VPS13B: variants seen among roughly 807,000 people sequenced by gnomAD.
VPS13B encodes vacuolar protein sorting 13 homolog B, also known as intermembrane lipid transfer protein VPS13B.
In VPS13B, 285 loss-of-function variants were observed where a neutral mutation model predicts 426.4. The ratio of observed to expected loss-of-function variants is 0.67; its 90% CI spans 0.61 to 0.74. The LOEUF is 0.74. Ranked by LOEUF, VPS13B falls within the 30% of genes least tolerant of loss-of-function variation. The pLI, the probability that VPS13B is intolerant of heterozygous loss-of-function variation, is 0.00. For synonymous variants in VPS13B, 1,676 were observed against 1,676.4 expected (o/e 1.00, Z 0.01); for missense variants, 4,537 against 4,782.6 (o/e 0.95, Z 1.51).
chr8:99,121,029 T>C (rs1402772615), intron 7 of VPS13B, 148 bp from the exon 8 acceptor site: 3 of 676,822 alleles, frequency 4.4e-6, no homozygotes, highest in Non-Finnish European at 7.3e-6. Context: ...TGCTAAATTA[T>C]TGGTTTCAAA....
chr8:99,863,494 G>C (rs1164846452), intron 58 of VPS13B, among the ~76,000 whole-genome samples: 1 of 152,046 alleles, frequency 6.6e-6, no homozygotes, highest in African/African-American at 2.4e-5. Context: ...GAGAGAGAGA[G>C]AGACCCACCC....
chr8:99,643,955 C>G (rs572382811), intron 34 of VPS13B, among the ~76,000 whole-genome samples: 1 of 152,178 alleles, frequency 6.6e-6, no homozygotes, highest in Non-Finnish European at 1.5e-5. Flanking sequence ...TGCAAGTCTG[C>G]TTGGCGTTAG....
At chr8:99,102,383 A>C (rs747143105) in intron 4 of VPS13B, among the ~76,000 whole-genome samples, 192 of 151,912 alleles carry the variant, frequency 1.3e-3, no homozygotes, top group South Asian at 1.2e-3. Flanking sequence ...TTTCCCCTCT[A>C]CTCTATTTTA....
chr8:99,699,886 A>G lies in VPS13B; in HGVS notation c.6408A>G (p.Ser2136=). 1 of 1,613,980 alleles carries G rather than the reference A, an allele frequency of 6.2e-7. No homozygotes were observed. Among genetic ancestry groups the G allele is most frequent in the Non-Finnish European group, 8.5e-7 (1 of 1,179,982 alleles). Residue 2136 remains serine, a synonymous_variant, in exon 36 of 62, where the codon TCA becomes TCG. Transcript: ENST00000357162. The stretch of plus-strand genomic sequence containing the variant: ...AACCATGCCTGTTAGCATCTCTCTC[A>G]AACCTCAATGGAAGCCTTAGTGTCA... The part of the protein sequence containing the change: ...TSKPCLLASL[S]NLNGSLSVKA...
Position 99,351,178 on chromosome 8 carries a change from G to A in VPS13B, c.2825-33030G>A, listed in dbSNP as rs561721571. On this transcript the variant is annotated intron_variant, in intron 19 of 61. Transcript: ENST00000357162. The stretch of plus-strand genomic sequence containing the variant: ...TTTGCCAACAAATCAGTACCTAAAT[G>A]TATCTTTTCTCTTAATTATGTTTAT... Among the ~76,000 whole-genome samples the A allele has an allele frequency of 2.0e-5, 3 of 152,212 alleles. No individual in the cohort carries two copies. In the South Asian group the frequency reaches 6.2e-4, roughly 32 times the overall value.
At chr8:99,099,728 C>T (rs186432714) in intron 4 of VPS13B, among the ~76,000 whole-genome samples, 26 of 151,848 alleles carry the variant, frequency 1.7e-4, no homozygotes, top group Admixed American at 3.9e-4. Flanking sequence ...ACAAGAAGTG[C>T]GAATGGACAA....
intron 8 of VPS13B, among the ~76,000 whole-genome samples, chr8:99,130,931 A>G (rs1012815064): frequency 2.6e-4 from 40 of 152,218 alleles, no homozygotes; most frequent in African/African-American, 8.7e-4. Flanking sequence ...TACTCAATAT[A>G]GAGAAGTCAC....
chr8:99,134,767 G>T (rs1395835876), intron 9 of VPS13B, 40 bp downstream of exon 9: 5 of 1,492,914 alleles, frequency 3.3e-6, no homozygotes, highest in East Asian at 2.3e-5. Flanking sequence ...TAAATATTTT[G>T]TTCTTTAATA....
intron 20 of VPS13B, among the ~76,000 whole-genome samples, chr8:99,387,298 G>A (rs930990793): frequency 6.6e-6 from 1 of 152,090 alleles, no homozygotes; most frequent in African/African-American, 2.4e-5. Context: ...GGTCACTGCA[G>A]CCTTAACTTC....
chr8:99,636,243 A>G (rs1829063614), intron 33 of VPS13B, among the ~76,000 whole-genome samples: 1 of 151,962 alleles, frequency 6.6e-6, no homozygotes, highest in Non-Finnish European at 1.5e-5. Flanking sequence ...TTTCTTCACC[A>G]AACTATCCAT....
At chr8:99,366,905 C>A (rs1317938006) in intron 19 of VPS13B, among the ~76,000 whole-genome samples, 6 of 152,064 alleles carry the variant, frequency 3.9e-5, no homozygotes, top group Non-Finnish European at 8.8e-5. Flanking sequence ...ATTAACTTTA[C>A]CCCCTTGCTT....
intron 29 of VPS13B, among the ~76,000 whole-genome samples, chr8:99,520,602 A>T (rs1408821592): frequency 6.6e-6 from 1 of 152,048 alleles, no homozygotes; most frequent in Non-Finnish European, 1.5e-5. Context: ...ATTTGGCTTC[A>T]ATATTACTTA....
intron 44 of VPS13B, among the ~76,000 whole-genome samples, chr8:99,813,900 G>A (rs1197860190): frequency 6.6e-6 from 1 of 152,216 alleles, no homozygotes; most frequent in African/African-American, 2.4e-5. Flanking sequence ...TTGGGAGGCT[G>A]AGGCAGGAGA....
intron 39 of VPS13B, among the ~76,000 whole-genome samples, chr8:99,747,090 A>G (rs1198146225): frequency 6.6e-6 from 1 of 152,144 alleles, no homozygotes; most frequent in Non-Finnish European, 1.5e-5. Context: ...GCTGATGTCT[A>G]TATGACCTCC....
intron 35 of VPS13B, chr8:99,697,573 G>A (rs1832083959): frequency 1.5e-6 from 1 of 680,454 alleles, no homozygotes; most frequent in Non-Finnish European, 2.7e-6. Context: ...ACATGCAAGA[G>A]ATCAAGAAGG....
At chr8:99,050,540 G>A (rs886402536) in intron 3 of VPS13B, among the ~76,000 whole-genome samples, 7 of 152,114 alleles carry the variant, frequency 4.6e-5, no homozygotes, top group Admixed American at 3.9e-4. Context: ...AATACTTTGG[G>A]CATATACCAA....
At chr8:99,168,638 A>G (rs1332861699) in intron 15 of VPS13B, among the ~76,000 whole-genome samples, 1 of 152,052 alleles carries the variant, frequency 6.6e-6, no homozygotes, top group African/African-American at 2.4e-5. Context: ...TACTTTGCAT[A>G]CATTATTGCT....
intron 3 of VPS13B, among the ~76,000 whole-genome samples, chr8:99,087,050 A>C (rs1845852755): frequency 6.6e-6 from 1 of 152,154 alleles, no homozygotes; most frequent in Admixed American, 6.5e-5. Flanking sequence ...CCCTGCCCGC[A>C]GAGGTGGAGT....
intron 33 of VPS13B, among the ~76,000 whole-genome samples, chr8:99,594,039 A>AACCT (rs966568447): frequency 5.3e-5 from 8 of 152,106 alleles, no homozygotes; most frequent in African/African-American, 1.9e-4. Flanking sequence ...CTATGTGACA[A>AACCT]ACCTGCACAT....
Sources: allele counts gnomAD v4.1 joint callset (sites outside exome capture counted in the v4.1 genomes callset), GRCh38; gene constraint gnomAD v4.1.1; transcripts MANE v1.5; gene names NCBI Gene and HGNC (gene_info 2026-07-23, HGNC 2026-07-21).